Variants in COX7A2L observed in about 807,000 individuals in gnomAD.
The protein encoded by COX7A2L is cytochrome c oxidase subunit 7A2 like.
COX7A2L carries 18 observed loss-of-function variants against 14.2 expected under a neutral mutation model. The ratio of observed to expected loss-of-function variants is 1.27; its 90% CI spans 0.88 to 1.88. The LOEUF is 1.88. COX7A2L is among the 40% of genes most tolerant of loss of function. The probability of loss-of-function intolerance (pLI) is 0.00; values close to 1 mark genes in which losing one functional copy is unlikely to be tolerated. For missense variants in COX7A2L, 179 were observed against 138.8 expected, an observed-to-expected ratio of 1.29 and a Z score of -1.46; for synonymous variants, 65 against 57.4, an observed-to-expected ratio of 1.13 and a Z score of -0.60.
At chr2:42,354,272 A>G (rs9309082) in intron 1 of COX7A2L, among the ~76,000 whole-genome samples, 20,763 of 152,132 alleles carry the variant, frequency 0.14, 1,412 homozygotes, top group East Asian at 0.18. Context: ...AGCTGCTTTA[A>G]AAAAAGGTGG....
At position 42,353,289 on chromosome 2, in the gene COX7A2L, T is replaced by C. The variant is rs753275628; in HGVS notation, c.127A>G (p.Thr43Ala). The change falls in exon 2 of 3, where the codon ACT becomes GCT. Residue 43 changes from threonine to alanine, a missense_variant. Physicochemically the swap from Thr to Ala is moderately conservative, Grantham distance 58 (BLOSUM62 0). Coordinates refer to ENST00000234301, the MANE Select transcript of COX7A2L (RefSeq NM_004718.4). ...EAPPIIFATPTKLTSDSTVYD... is the reference protein window; with the variant it reads ...EAPPIIFATPAKLTSDSTVYD... ...ACTGTGGAATCGGAGGTCAGTTTAGTTGGTGTGGCAAATATGATAGGTGGT... is the reference window on the plus strand; with the variant it reads ...ACTGTGGAATCGGAGGTCAGTTTAGCTGGTGTGGCAAATATGATAGGTGGT... 8 of 1,614,026 alleles carry C rather than the reference T, an allele frequency of 5.0e-6. No individual in the cohort carries two copies. In the African/African-American group the frequency reaches 8.0e-5, roughly 16 times the overall value.
intron 1 of COX7A2L, among the ~76,000 whole-genome samples, chr2:42,357,275 A>G (rs908501531): frequency 6.6e-6 from 1 of 152,188 alleles, no homozygotes; most frequent in Non-Finnish European, 1.5e-5. Context: ...ACTGGAGACC[A>G]GTTTCAATCT....
Position 42,338,568 on chromosome 2 carries a change from G to C in COX7A2L, c.193-4699C>G, listed in dbSNP as rs769430526. Among the ~76,000 whole-genome samples the C allele has an allele frequency of 2.0e-5, 3 of 152,176 alleles. No individual in the cohort carries two copies. The highest frequency in any genetic ancestry group is 4.4e-5 in the Non-Finnish European group (3 of 68,038). On this transcript the variant is annotated intron_variant, in intron 2 of 2. Transcript: ENST00000468711. This position sits in a 1 kb window ranked among gnomAD's most constrained non-coding sequence, Gnocchi z 4.4. The stretch of plus-strand genomic sequence containing the variant: ...CAGGCTTGGACATTTCCATGGAGAA[G>C]ATGATTAATTATGAACCAAGAATCC...
intron 2 of COX7A2L, among the ~76,000 whole-genome samples, chr2:42,352,628 G>A (rs921869212): frequency 6.6e-6 from 1 of 152,188 alleles, no homozygotes; most frequent in Admixed American, 6.5e-5. Context: ...CTACCTTACA[G>A]CAATAGCAGT....
chr2:42,340,385 G>A (rs913767945), intron 2 of COX7A2L, among the ~76,000 whole-genome samples: 4 of 152,124 alleles, frequency 2.6e-5, no homozygotes, highest in East Asian at 1.9e-4. Flanking sequence ...ATTATCAATT[G>A]TTGTAAGTCT....
At chr2:42,345,153 CG>C (rs1340025056), downstream of COX7A2L, among the ~76,000 whole-genome samples, 2 of 151,956 alleles carry the variant, frequency 1.3e-5, no homozygotes, top group African/African-American at 4.8e-5. Context: ...GAGGCTGAGG[CG>C]GGCAGATCAC....
At chr2:42,364,854 C>A (rs1444286635), upstream of COX7A2L, among the ~76,000 whole-genome samples, 1 of 152,132 alleles carries the variant, frequency 6.6e-6, no homozygotes, top group African/African-American at 2.4e-5. Flanking sequence ...ACAGGATGAA[C>A]ATATTGACAT....
upstream of COX7A2L, among the ~76,000 whole-genome samples, chr2:42,362,722 TA>T (rs1293155766): frequency 6.6e-6 from 1 of 152,236 alleles, no homozygotes; most frequent in East Asian, 1.9e-4. Context: ...CAATATGTTG[TA>T]AAGGTTTCAG....
In COX7A2L at chr2:42,351,134, TAAA is replaced by T; in HGVS notation, c.*82_*84del. 3 of 1,187,712 alleles carry T rather than the reference TAAA, an allele frequency of 2.5e-6. No individual in the cohort carries two copies. The highest frequency in any genetic ancestry group is 3.4e-6 in the Non-Finnish European group (3 of 880,734). The allele number at this position is 1,187,712 out of a possible 1,614,324, so 73.6% of individuals were successfully genotyped here. A position where few individuals can be genotyped will look rare whatever the true frequency, so the allele number is the denominator to read the frequency against. ...TTGCAAAAATGTTAAGCCATCCAAG[TAAA>T]AAAAAAAATTTTAATTTAACAATGA... is the stretch of plus-strand genomic sequence containing the variant. On this transcript the variant is annotated 3_prime_UTR_variant, in exon 3 of 3. Coordinates refer to ENST00000234301, the MANE Select transcript of COX7A2L (RefSeq NM_004718.4).
upstream of COX7A2L, chr2:42,361,242 C>G (rs990649662): frequency 1.4e-5 from 19 of 1,340,114 alleles, no homozygotes; most frequent in East Asian, 5.1e-5. Flanking sequence ...GCTGTGGTCC[C>G]GAGACTCAGC....
chr2:42,360,022 G>A (rs943218310), intron 1 of COX7A2L: 8 of 152,214 alleles, frequency 5.3e-5, no homozygotes, highest in Admixed American at 3.3e-4. Context: ...CACGGTACCA[G>A]ACCTGAAATC....
intron 1 of COX7A2L, 39 bp from the exon 2 acceptor site, chr2:42,353,382 G>A (rs778199518): frequency 6.2e-7 from 1 of 1,609,786 alleles, no homozygotes; most frequent in Non-Finnish European, 8.5e-7. Context: ...TTGAAAGTAT[G>A]TCTGAGGAGG....
In COX7A2L at chr2:42,361,156, G is replaced by A; in HGVS notation, c.6C>T (p.Tyr2=). 6.2e-7 allele frequency: 1 copy of A among 1,612,712 alleles called. No homozygotes were observed. The highest frequency in any genetic ancestry group is 8.5e-7 in the Non-Finnish European group (1 of 1,179,202). ...TCTGCGTGAAGCCACTAAACTTGTAGTACATGACGCCCAGAGTCCGGCTTC... is the reference window on the plus strand; with the variant it reads ...TCTGCGTGAAGCCACTAAACTTGTAATACATGACGCCCAGAGTCCGGCTTC... M[Y]YKFSGFTQKL... is the part of the protein sequence containing the mutation. The change falls in exon 1 of 3, where the codon TAC becomes TAT. Residue 2 remains tyrosine, a synonymous_variant. Coordinates refer to ENST00000234301, the MANE Select transcript of COX7A2L (RefSeq NM_004718.4).
chr2:42,351,315 G>A lies in COX7A2L; in HGVS notation c.249C>T (p.Asp83=), dbSNP rs1670637923. 6.2e-7 allele frequency: 1 copy of A among 1,614,160 alleles called. No homozygotes were observed. Among genetic ancestry groups the A allele is most frequent in the Non-Finnish European group, 8.5e-7 (1 of 1,180,038 alleles). ...CCATGGTGGTCCGGTAAAGCATTTG[G>A]TCAGGCAGGCCTCGTTTCAGGTAGA... is the stretch of plus-strand genomic sequence containing the variant. ...VPVYLKRGLP[D]QMLYRTTMAL... is the part of the protein sequence containing the mutation. Residue 83 remains aspartate (D), a synonymous_variant, in exon 3 of 3, where the codon GAC becomes GAT. Coordinates refer to ENST00000234301, the MANE Select transcript of COX7A2L (RefSeq NM_004718.4).
chr2:42,347,956 G>C (rs566002645), downstream of COX7A2L, among the ~76,000 whole-genome samples: 1 of 152,202 alleles, frequency 6.6e-6, no homozygotes, highest in South Asian at 2.1e-4. Flanking sequence ...TATGTTCATA[G>C]AATATATCAT....
intron 2 of COX7A2L, 38 bp from the exon 3 acceptor site, chr2:42,351,397 A>T: frequency 6.2e-7 from 1 of 1,605,722 alleles, no homozygotes; most frequent in Non-Finnish European, 8.5e-7. Context: ...GGTTGAGAAG[A>T]AAAATATTTT....
chr2:42,365,833 T>G (rs1209872111), upstream of COX7A2L: 1 of 152,206 alleles, frequency 6.6e-6, no homozygotes. Flanking sequence ...AGGGCCATTC[T>G]GCCCATTACA....
chr2:42,348,709 A>G (rs1415005494), downstream of COX7A2L, among the ~76,000 whole-genome samples: 1 of 152,116 alleles, frequency 6.6e-6, no homozygotes, highest in African/African-American at 2.4e-5. Flanking sequence ...ATGAGGTCAG[A>G]AAATCGAGAC....
Position 42,350,925 on chromosome 2 carries a change from A to T in COX7A2L, c.*294T>A, listed in dbSNP as rs1409159725. ...ACCTCAAGTCCCTGAGGTCCTCAGC[A>T]CAGACTGACATTAACAAGCCTGTGT... On this transcript the variant is annotated 3_prime_UTR_variant, in exon 3 of 3. Coordinates refer to ENST00000234301, the MANE Select transcript of COX7A2L (RefSeq NM_004718.4). 7 of 241,852 alleles carry T rather than the reference A, an allele frequency of 2.9e-5. No individual in the cohort carries two copies. The highest frequency in any genetic ancestry group is 4.8e-5 in the Non-Finnish European group (6 of 125,662). 15.0% of individuals were successfully genotyped at this position (241,852 alleles called of 1,614,324 possible).
Sources: gnomAD v4.1 joint callset for allele counts (sites outside exome capture counted in the v4.1 genomes callset) on GRCh38, gnomAD v4.1.1 for gene constraint, Gnocchi (gnomAD v3.1) non-coding constraint, MANE v1.5 for transcripts, NCBI Gene and HGNC (gene_info 2026-07-23, HGNC 2026-07-21) for gene names.